The following NTM variants were observed in gnomAD, a reference collection of about 807,000 sequenced individuals.
NTM encodes IgLON family member 2.
Under a neutral mutation model 42.1 loss-of-function variants are expected in NTM, and 13 were observed. That is an observed-to-expected ratio of 0.31 (90% CI 0.20 to 0.49). NTM has a LOEUF of 0.49. Among genes scored for constraint, NTM ranks in the 20% least tolerant of loss-of-function variants. The pLI is 0.99. For missense variants in NTM, 373 were observed against 452.8 expected, an observed-to-expected ratio of 0.82 and a Z score of 1.60; for synonymous variants, 187 against 179.2, an observed-to-expected ratio of 1.04 and a Z score of -0.35.
chr11:132,264,555 C>T (rs952203392), intron 4 of NTM, among the ~76,000 whole-genome samples: 2 of 152,178 alleles, frequency 1.3e-5, no homozygotes, highest in Non-Finnish European at 1.5e-5. Flanking sequence ...TTTATCATCT[C>T]GTGTTTTGCT....
intron 1 of NTM, among the ~76,000 whole-genome samples, chr11:131,412,188 G>A (rs1279235695): frequency 1.3e-5 from 2 of 152,310 alleles, no homozygotes; most frequent in Non-Finnish European, 2.9e-5. Flanking sequence ...AGGGATGTGA[G>A]AGCTGAGAAG....
rs1463043807 is a variant in NTM, at chr11:132,136,346, A to T, written c.168-9936A>T. Reference sequence around the variant, plus strand: ...GGGCACTGTGTTACCACCAAAGGTGAGAGGATGTGTTGCCAAGGTCACTTA... The same window carrying T: ...GGGCACTGTGTTACCACCAAAGGTGTGAGGATGTGTTGCCAAGGTCACTTA... On this transcript the variant is annotated intron_variant, in intron 2 of 8. Transcript: ENST00000683400. Among the ~76,000 whole-genome samples the T allele has an allele frequency of 2.0e-5, 3 of 152,214 alleles. No homozygotes were observed. In the East Asian group the frequency reaches 5.8e-4, roughly 29 times the overall value.
At chr11:131,705,006 C>T (rs2076453515) in intron 1 of NTM, among the ~76,000 whole-genome samples, 1 of 152,110 alleles carries the variant, frequency 6.6e-6, no homozygotes, top group Non-Finnish European at 1.5e-5. Context: ...CCAATATACA[C>T]ATTATAGGAG....
intron 1 of NTM, among the ~76,000 whole-genome samples, chr11:131,623,693 T>C (rs1411975656): frequency 1.3e-5 from 2 of 152,214 alleles, no homozygotes; most frequent in African/African-American, 4.8e-5. Flanking sequence ...GCAGATGGTT[T>C]TGGGCTCCAG....
intron 1 of NTM, among the ~76,000 whole-genome samples, chr11:131,398,704 G>A (rs568672788): frequency 5.9e-5 from 9 of 152,072 alleles, no homozygotes; most frequent in East Asian, 5.8e-4. Context: ...CCTTACACAC[G>A]ATCACTATAC....
chr11:131,982,698 GGTT>G (rs1258372005), intron 2 of NTM, among the ~76,000 whole-genome samples: 1 of 152,150 alleles, frequency 6.6e-6, no homozygotes, highest in Non-Finnish European at 1.5e-5. Flanking sequence ...CAGTGATTTA[GGTT>G]GTTTTATTCA....
intron 3 of NTM, among the ~76,000 whole-genome samples, chr11:132,196,598 T>C (rs1019019295): frequency 3.9e-5 from 6 of 152,190 alleles, no homozygotes; most frequent in African/African-American, 7.2e-5. Context: ...CACCATGGAA[T>C]ACTACACATC....
intron 1 of NTM, among the ~76,000 whole-genome samples, chr11:131,784,770 C>G (rs1591812953): frequency 6.6e-6 from 1 of 152,156 alleles, no homozygotes; most frequent in Admixed American, 6.5e-5. Flanking sequence ...GCAAAATACA[C>G]CTTAATAAAG....
At chr11:131,635,245 C>T (rs1462417979) in intron 1 of NTM, among the ~76,000 whole-genome samples, 1 of 152,158 alleles carries the variant, frequency 6.6e-6, no homozygotes, top group African/African-American at 2.4e-5. Flanking sequence ...GCAGGTCCTT[C>T]AGGAGGGATT....
intron 1 of NTM, among the ~76,000 whole-genome samples, chr11:131,803,808 C>T (rs1427781963): frequency 6.6e-6 from 1 of 152,322 alleles, no homozygotes; most frequent in South Asian, 2.1e-4. Flanking sequence ...CCTTGTCTGC[C>T]TCCTGAGTGA....
At chr11:132,000,138 G>A (rs1193637532) in intron 2 of NTM, among the ~76,000 whole-genome samples, 2 of 152,112 alleles carry the variant, frequency 1.3e-5, no homozygotes, top group Non-Finnish European at 2.9e-5. Context: ...AGCCCACCTG[G>A]AAGCCAGGCA....
chr11:131,565,935 C>T (rs1379744307), intron 1 of NTM, among the ~76,000 whole-genome samples: 1 of 152,162 alleles, frequency 6.6e-6, no homozygotes, highest in Non-Finnish European at 1.5e-5. Context: ...TTCTGTTCTA[C>T]CTGAAGTCCT....
chr11:131,677,067 T>C (rs2071554486), intron 1 of NTM, among the ~76,000 whole-genome samples: 1 of 152,226 alleles, frequency 6.6e-6, no homozygotes, highest in African/African-American at 2.4e-5. Flanking sequence ...CACCAGCAGC[T>C]AGATCTGCCT....
At chr11:132,185,905 C>T (rs768854706) in intron 3 of NTM, among the ~76,000 whole-genome samples, 13 of 152,136 alleles carry the variant, frequency 8.5e-5, no homozygotes, top group African/African-American at 3.1e-4. Flanking sequence ...AATAATGGGT[C>T]AAGGCACTTC....
At chr11:131,426,988 G>A (rs1156872528) in intron 1 of NTM, among the ~76,000 whole-genome samples, 2 of 152,040 alleles carry the variant, frequency 1.3e-5, no homozygotes, top group Non-Finnish European at 2.9e-5. Flanking sequence ...ACCTTCAGAG[G>A]TGGAGAGGGC....
intron 1 of NTM, among the ~76,000 whole-genome samples, chr11:131,587,624 A>G (rs1468197491): frequency 6.6e-6 from 1 of 152,194 alleles, no homozygotes; most frequent in Non-Finnish European, 1.5e-5. Context: ...ATACTATATT[A>G]TATATTTTTT....
chr11:131,637,218 G>A (rs1274762987), intron 1 of NTM, among the ~76,000 whole-genome samples: 2 of 151,880 alleles, frequency 1.3e-5, no homozygotes, highest in African/African-American at 2.4e-5. Flanking sequence ...ATCCATCCTC[G>A]GCTGGCTATG....
chr11:131,891,781 T>C (rs1325040726), intron 1 of NTM, among the ~76,000 whole-genome samples: 1 of 152,216 alleles, frequency 6.6e-6, no homozygotes, highest in African/African-American at 2.4e-5. Flanking sequence ...GTTACATTGC[T>C]CAGACATTTT....
intron 2 of NTM, among the ~76,000 whole-genome samples, chr11:132,133,912 C>T (rs538631562): frequency 1.7e-4 from 26 of 152,238 alleles, no homozygotes; most frequent in Non-Finnish European, 3.8e-4. Flanking sequence ...GCAGCTACAG[C>T]TGACTCTAGT....
Sources: gnomAD v4.1 joint callset for allele counts (sites outside exome capture counted in the v4.1 genomes callset) on GRCh38, gnomAD v4.1.1 for gene constraint, MANE v1.5 for transcripts, NCBI Gene and HGNC (gene_info 2026-07-23, HGNC 2026-07-21) for gene names.